DSCAM: variants seen among roughly 807,000 people sequenced by gnomAD.
The protein encoded by DSCAM is DS cell adhesion molecule.
Under a neutral mutation model 217.7 loss-of-function variants are expected in DSCAM, and 47 were observed. The observed-to-expected ratio is 0.22, with a 90% CI of 0.17 to 0.28. The LOEUF (loss-of-function observed/expected upper bound fraction) is 0.28. Ranked by LOEUF, DSCAM falls within the 10% of genes least tolerant of loss-of-function variation. The pLI, the probability that DSCAM is intolerant of heterozygous loss-of-function variation, is 1.00. For missense variants in DSCAM, 2,080 were observed against 2,618.3 expected, an observed-to-expected ratio of 0.79 and a Z score of 4.49; for synonymous variants, 1,056 against 1,015.3, an observed-to-expected ratio of 1.04 and a Z score of -0.76.
chr21:40,535,461 T>C (rs1287498330), intron 3 of DSCAM, among the ~76,000 whole-genome samples: 2 of 152,212 alleles, frequency 1.3e-5, no homozygotes, highest in Non-Finnish European at 2.9e-5. Context: ...ATTCAGCCTT[T>C]ACCAATCAGG....
intron 1 of DSCAM, among the ~76,000 whole-genome samples, chr21:40,844,582 C>G (rs1417535399): frequency 6.6e-6 from 1 of 152,038 alleles, no homozygotes; most frequent in Non-Finnish European, 1.5e-5. Flanking sequence ...TTGCAGAACT[C>G]ACTATATGAG....
intron 8 of DSCAM, 120 bp downstream of exon 8, chr21:40,337,981 C>A: frequency 8.0e-7 from 1 of 1,249,922 alleles, no homozygotes; most frequent in Admixed American, 2.1e-5. Context: ...CATTCTTCAG[C>A]CTGTACAATT....
intron 32 of DSCAM, among the ~76,000 whole-genome samples, chr21:40,027,083 A>C (rs1407698147): frequency 6.6e-6 from 1 of 152,384 alleles, no homozygotes; most frequent in South Asian, 2.1e-4. Context: ...TAGTGACAAA[A>C]TCTCTCAGCA....
At chr21:40,184,025 G>A (rs761480896) in intron 14 of DSCAM, among the ~76,000 whole-genome samples, 1 of 152,144 alleles carries the variant, frequency 6.6e-6, no homozygotes, top group Non-Finnish European at 1.5e-5. Flanking sequence ...ATGGCCCATA[G>A]GGGGACAACT....
At chr21:40,794,404 T>A (rs2123475230) in intron 1 of DSCAM, among the ~76,000 whole-genome samples, 1 of 152,332 alleles carries the variant, frequency 6.6e-6, no homozygotes, top group East Asian at 1.9e-4. Flanking sequence ...ATCCCACTTG[T>A]GTTTCATTGG....
chr21:40,258,972 T>C (rs1429882789), intron 11 of DSCAM, among the ~76,000 whole-genome samples: 1 of 152,224 alleles, frequency 6.6e-6, no homozygotes, highest in Non-Finnish European at 1.5e-5. Context: ...GTGTACCCCT[T>C]CTGCAGAAAG....
intron 9 of DSCAM, among the ~76,000 whole-genome samples, chr21:40,301,246 G>A (rs2074011310): frequency 1.3e-5 from 2 of 152,174 alleles, no homozygotes; most frequent in Admixed American, 1.3e-4. Context: ...CAAATTGGAT[G>A]ATGTGACTTC....
chr21:40,633,772 T>C (rs2089722063), intron 3 of DSCAM, among the ~76,000 whole-genome samples: 1 of 151,732 alleles, frequency 6.6e-6, no homozygotes, highest in African/African-American at 2.4e-5. Flanking sequence ...ATGCCTGGAG[T>C]GAATTTTGAG....
At chr21:40,521,767 A>G (rs1175139587) in intron 3 of DSCAM, among the ~76,000 whole-genome samples, 1 of 152,160 alleles carries the variant, frequency 6.6e-6, no homozygotes, top group Non-Finnish European at 1.5e-5. Flanking sequence ...ATGAGAAAGG[A>G]GAAGTGCTGG....
intron 3 of DSCAM, among the ~76,000 whole-genome samples, chr21:40,628,670 A>G (rs1029894938): frequency 4.6e-5 from 7 of 152,134 alleles, no homozygotes; most frequent in Admixed American, 6.6e-5. Flanking sequence ...AACATTTAGA[A>G]TGGTCCATGG....
intron 3 of DSCAM, among the ~76,000 whole-genome samples, chr21:40,674,626 CTTTTTCTTTTTTT>C (rs1190874604): frequency 3.8e-5 from 4 of 105,900 alleles, no homozygotes; most frequent in Non-Finnish European, 5.5e-5. Flanking sequence ...TTTTCTTTTT[CTTTTTCTTTTTTT>C]TTTTTTTTTT....
In DSCAM at chr21:40,012,057, G is replaced by C. The variant is rs1307788708; in HGVS notation, c.*977C>G. The C allele has an allele frequency of 6.9e-5, 10 of 144,188 alleles. No individual in the cohort carries two copies. Among genetic ancestry groups the C allele is most frequent in the Admixed American group, 6.7e-4 (10 of 14,846 alleles). The allele number at this position is 144,188 out of a possible 1,614,324, so 8.9% of individuals were successfully genotyped here. A position where few individuals can be genotyped will look rare whatever the true frequency, so the allele number is the denominator to read the frequency against. On this transcript the variant is annotated 3_prime_UTR_variant, in exon 33 of 33. Coordinates refer to ENST00000400454, the MANE Select transcript of DSCAM (RefSeq NM_001389.5). ...AATAGCAAATAGTGCATGTGGCCTT[G>C]TTTCAATAAAACTTTATTTAAAAAA... is the stretch of plus-strand genomic sequence containing the variant.
intron 3 of DSCAM, among the ~76,000 whole-genome samples, chr21:40,442,444 A>T (rs2145915455): frequency 6.6e-6 from 1 of 151,312 alleles, no homozygotes; most frequent in South Asian, 2.1e-4. Context: ...TTAATAATAA[A>T]CATGTACTAC....
At chr21:40,623,804 C>G (rs747910276) in intron 3 of DSCAM, among the ~76,000 whole-genome samples, 2 of 152,282 alleles carry the variant, frequency 1.3e-5, no homozygotes, top group Non-Finnish European at 2.9e-5. Context: ...CACTTGCCTA[C>G]GGATAGTGGT....
intron 3 of DSCAM, among the ~76,000 whole-genome samples, chr21:40,467,593 T>C (rs772599023): frequency 3.3e-5 from 5 of 152,138 alleles, no homozygotes; most frequent in South Asian, 2.1e-4. Context: ...ATCAACACTT[T>C]TATACATACT....
intron 18 of DSCAM, among the ~76,000 whole-genome samples, chr21:40,136,391 G>A (rs1201749774): frequency 1.3e-5 from 2 of 152,178 alleles, no homozygotes; most frequent in East Asian, 3.9e-4. Flanking sequence ...CAAGGTGAGA[G>A]GATCGGTGGA....
chr21:40,466,553 T>C (rs1020170406), intron 3 of DSCAM, among the ~76,000 whole-genome samples: 6 of 152,206 alleles, frequency 3.9e-5, no homozygotes, highest in Non-Finnish European at 8.8e-5. Flanking sequence ...TAGTTTTTAA[T>C]AATAATTTAT....
rs758809354 is a variant in DSCAM at position 40,144,619 on chromosome 21, C to T, written c.3131G>A (p.Gly1044Glu). The T allele has an allele frequency of 6.2e-7, 1 of 1,614,138 alleles. No homozygotes were observed. The highest frequency in any genetic ancestry group is 8.5e-7 in the Non-Finnish European group (1 of 1,180,020). Residue 1044 changes from glycine (G) to glutamate (E), a missense_variant, in exon 17 of 33, where the codon GGG (glycine) becomes GAG (glutamate). Physicochemically the swap from Gly to Glu is moderately conservative, Grantham distance 98. Around this residue, in one of 5 missense-constraint regions of DSCAM, gnomAD observed 1,144 missense variants for 1,421.1 expected, o/e 0.81. Transcript: ENST00000400454. The surrounding 1 kb of genome is among the most constrained non-coding windows in gnomAD (Gnocchi z 4.8). ...GTCCAGGGTGTAAACCTCACTGTCCCCGCTGGTGTCGACACTGATAATGTT... is the reference window on the plus strand; with the variant it reads ...GTCCAGGGTGTAAACCTCACTGTCCTCGCTGGTGTCGACACTGATAATGTT... ...QFNIISVDTSGDSEVYTLDNL... is the reference protein window; with the variant it reads ...QFNIISVDTSEDSEVYTLDNL...
chr21:40,111,710 G>T (rs1025041227), intron 20 of DSCAM, among the ~76,000 whole-genome samples: 1 of 152,164 alleles, frequency 6.6e-6, no homozygotes, highest in Non-Finnish European at 1.5e-5. Context: ...AAAATAAAGG[G>T]TTGGAGGAAG....
Sources: gnomAD v4.1 joint callset for allele counts (sites outside exome capture counted in the v4.1 genomes callset) on GRCh38, gnomAD v4.1.1 for gene constraint, gnomAD v4.1.1 regional missense constraint, Gnocchi (gnomAD v3.1) non-coding constraint, MANE v1.5 for transcripts, NCBI Gene and HGNC (gene_info 2026-07-23, HGNC 2026-07-21) for gene names.